ZNF420: variants seen among roughly 807,000 people sequenced by gnomAD.
The protein encoded by ZNF420 is zinc finger protein 420.
In ZNF420, 31 loss-of-function variants were observed where a neutral mutation model predicts 44.7. The observed-to-expected ratio is 0.69, with a 90% CI of 0.52 to 0.94. ZNF420 has a LOEUF of 0.94. Ranked by LOEUF, ZNF420 falls within the 40% of genes least tolerant of loss-of-function variation. The probability of loss-of-function intolerance (pLI) is 0.00; values close to 1 mark genes in which losing one functional copy is unlikely to be tolerated. For missense variants in ZNF420, 681 were observed against 827.9 expected (o/e 0.82, Z 2.18); for synonymous variants, 245 against 267.4 (o/e 0.92, Z 0.82).
At chr19:37,116,745 A>C (rs893725051) in intron 4 of ZNF420, among the ~76,000 whole-genome samples, 1 of 152,040 alleles carries the variant, frequency 6.6e-6, no homozygotes, top group Non-Finnish European at 1.5e-5. Context: ...AAATTGGGTC[A>C]CTCCCACCCT....
At chr19:37,026,610 G>A (rs1012186858) in intron 1 of ZNF420, among the ~76,000 whole-genome samples, 2 of 151,604 alleles carry the variant, frequency 1.3e-5, no homozygotes, top group African/African-American at 4.8e-5. Context: ...TGAGCCACCG[G>A]GCCTGGTAGC....
chr19:37,104,465 T>C (rs1969963964), intron 4 of ZNF420, among the ~76,000 whole-genome samples: 2 of 152,208 alleles, frequency 1.3e-5, no homozygotes, highest in African/African-American at 4.8e-5. Flanking sequence ...TGTGTCTTTA[T>C]AGCAGCATGA....
chr19:37,010,862 G>T (rs1037226083), intron 1 of ZNF420, among the ~76,000 whole-genome samples: 22 of 152,188 alleles, frequency 1.4e-4, no homozygotes, highest in African/African-American at 5.3e-4. Context: ...CCTCACAGGA[G>T]CTCACTGTCC....
At chr19:37,064,715 G>A (rs1432651734) in intron 1 of ZNF420, among the ~76,000 whole-genome samples, 1 of 152,200 alleles carries the variant, frequency 6.6e-6, no homozygotes, top group African/African-American at 2.4e-5. Flanking sequence ...CTACAGTGCA[G>A]TGCTTTAGGC....
At chr19:37,028,179 G>T (rs775595563) in intron 1 of ZNF420, among the ~76,000 whole-genome samples, 5 of 152,176 alleles carry the variant, frequency 3.3e-5, no homozygotes, top group Non-Finnish European at 7.3e-5. Flanking sequence ...GTGACATATG[G>T]TGTTGAGCAT....
At chr19:37,021,704 C>A (rs2074649673) in intron 1 of ZNF420, among the ~76,000 whole-genome samples, 1 of 151,582 alleles carries the variant, frequency 6.6e-6, no homozygotes, top group Non-Finnish European at 1.5e-5. Context: ...TTTGGGAGGC[C>A]AAGGCATGGG....
At chr19:37,107,934 G>A (rs560386765) in intron 4 of ZNF420, among the ~76,000 whole-genome samples, 3 of 152,152 alleles carry the variant, frequency 2.0e-5, no homozygotes, top group Non-Finnish European at 4.4e-5. Context: ...ATCTAACCAT[G>A]TCCCAGTGAT....
intron 1 of ZNF420, among the ~76,000 whole-genome samples, chr19:37,016,420 C>T (rs951249268): frequency 2.0e-5 from 3 of 152,210 alleles, no homozygotes; most frequent in Non-Finnish European, 4.4e-5. Context: ...CTCTTGGCTC[C>T]TCTGGCTGGA....
At chr19:37,063,494 A>G (rs886917945) in intron 1 of ZNF420, among the ~76,000 whole-genome samples, 4 of 152,096 alleles carry the variant, frequency 2.6e-5, no homozygotes, top group Non-Finnish European at 5.9e-5. Flanking sequence ...TCACTTGCAT[A>G]AGTGCCTTTG....
chr19:37,075,998 G>A (rs934849467), upstream of ZNF420, among the ~76,000 whole-genome samples: 1 of 108,878 alleles, frequency 9.2e-6, no homozygotes, highest in African/African-American at 4.1e-5. Flanking sequence ...CGTTTCTGAT[G>A]GTCTTAACCT....
chr19:37,093,073 A>C (rs1052818828), intron 4 of ZNF420: 5 of 152,078 alleles, frequency 3.3e-5, no homozygotes, highest in African/African-American at 1.2e-4. Flanking sequence ...GTACGAGCAT[A>C]GCACTAGTGT....
intron 4 of ZNF420, among the ~76,000 whole-genome samples, chr19:37,117,945 C>T (rs919209393): frequency 6.6e-6 from 1 of 152,164 alleles, no homozygotes; most frequent in Non-Finnish European, 1.5e-5. Flanking sequence ...AAGAAACAAA[C>T]AAAGTCTCCA....
chr19:37,066,137 T>C (rs1182226279), intron 1 of ZNF420, among the ~76,000 whole-genome samples: 1 of 152,158 alleles, frequency 6.6e-6, no homozygotes, highest in Non-Finnish European at 1.5e-5. Context: ...CTGTTAAAAA[T>C]ATGACTAAGA....
At chr19:37,102,388 G>A (rs1003288279) in intron 4 of ZNF420, among the ~76,000 whole-genome samples, 4 of 152,220 alleles carry the variant, frequency 2.6e-5, no homozygotes, top group Non-Finnish European at 5.9e-5. Flanking sequence ...GGAGGCTGGA[G>A]CTAAGCCACA....
chr19:37,008,053 C>A, exon 1 of ZNF420: 2 of 249,292 alleles, frequency 8.0e-6, no homozygotes, highest in East Asian at 2.4e-4. Context: ...TACGGCGTCC[C>A]TGCCTCAGGC....
intron 4 of ZNF420, among the ~76,000 whole-genome samples, chr19:37,114,532 C>T (rs182253272): frequency 0.017 from 2,608 of 152,184 alleles, 83 homozygotes; most frequent in African/African-American, 0.059. Flanking sequence ...AGTTGGCCAT[C>T]GTGGTTTAGA....
intron 4 of ZNF420, among the ~76,000 whole-genome samples, chr19:37,121,153 G>A (rs1249504855): frequency 6.2e-5 from 9 of 146,254 alleles, no homozygotes; most frequent in Admixed American, 6.8e-5. Flanking sequence ...CCAAAAAAGA[G>A]CCCGCATTGC....
chr19:37,112,583 A>C (rs932615599), intron 4 of ZNF420, among the ~76,000 whole-genome samples: 1 of 152,178 alleles, frequency 6.6e-6, no homozygotes, highest in African/African-American at 2.4e-5. Context: ...TCCTTGAATA[A>C]TGGCCTTACA....
At chr19:37,019,323 G>A (rs1190678644) in intron 1 of ZNF420, among the ~76,000 whole-genome samples, 1 of 152,108 alleles carries the variant, frequency 6.6e-6, no homozygotes. Flanking sequence ...AATCTATAAG[G>A]AGATACTACT....
Sources: gnomAD v4.1 joint callset for allele counts (sites outside exome capture counted in the v4.1 genomes callset) on GRCh38, gnomAD v4.1.1 for gene constraint, MANE v1.5 for transcripts, NCBI Gene and HGNC (gene_info 2026-07-23, HGNC 2026-07-21) for gene names.